The following PLD1 variants were observed in gnomAD, a reference collection of about 807,000 sequenced individuals.
PLD1 encodes the protein phospholipase D1.
A neutral mutation model predicts 137.1 loss-of-function variants in PLD1; 112 were observed. The observed-to-expected ratio is 0.82, with a 90% CI of 0.70 to 0.96. PLD1 has a LOEUF of 0.96. PLD1 is among the 40% of genes least tolerant of loss of function. PLD1 has a pLI of 0.00. For synonymous variants in PLD1, 431 were observed against 454.7 expected (o/e 0.95, Z 0.66); for missense variants, 1,321 against 1,342.0 (o/e 0.98, Z 0.24).
chr3:171,737,535 T>C lies in PLD1; in HGVS notation c.285A>G (p.Thr95=), dbSNP rs1719451726. The change falls in exon 3 of 27, where the codon ACA becomes ACG. Residue 95 remains threonine, a synonymous_variant. Coordinates refer to ENST00000351298, the MANE Select transcript of PLD1 (RefSeq NM_002662.5). ...GTGAGTCCATAAACGCTCTGACCCTTGTTGTAGATGTGAAGCGTTCCACTT... is the reference window on the plus strand; with the variant it reads ...GTGAGTCCATAAACGCTCTGACCCTCGTTGTAGATGTGAAGCGTTCCACTT... ...VLEVERFTST[T]RVPSINLYTI... 1.9e-6 allele frequency: 3 copies of C among 1,607,002 alleles called. No homozygotes were observed. Among genetic ancestry groups the C allele is most frequent in the Admixed American group, 1.7e-5 (1 of 58,028 alleles).
chr3:171,733,899 T>C (rs1271857097), intron 5 of PLD1, among the ~76,000 whole-genome samples: 1 of 152,154 alleles, frequency 6.6e-6, no homozygotes, highest in African/African-American at 2.4e-5. Context: ...ACACTACAAA[T>C]TTTAAACAGC....
At chr3:171,604,334 GGAAA>G (rs1402992843) in intron 26 of PLD1, among the ~76,000 whole-genome samples, 2 of 147,674 alleles carry the variant, frequency 1.4e-5, no homozygotes, top group Non-Finnish European at 3.0e-5. Context: ...AAAAAAAAAA[GGAAA>G]GAAAGAAAAG....
chr3:171,743,824 G>A (rs1297569888), intron 1 of PLD1, among the ~76,000 whole-genome samples: 1 of 152,180 alleles, frequency 6.6e-6, no homozygotes, highest in Non-Finnish European at 1.5e-5. Flanking sequence ...CACTCTTTGG[G>A]GAGGAGGGTT....
chr3:171,641,877 C>T (rs1344741597), intron 23 of PLD1, among the ~76,000 whole-genome samples: 2 of 152,106 alleles, frequency 1.3e-5, no homozygotes, highest in African/African-American at 4.8e-5. Flanking sequence ...GGGTTTCCAC[C>T]AACCTCTTCT....
At position 171,688,669 on chromosome 3, in the gene PLD1, T is replaced by C; in HGVS notation, c.1539+7A>G. 2.5e-6 allele frequency: 4 copies of C among 1,599,950 alleles called. No individual in the cohort carries two copies. The highest frequency in any genetic ancestry group is 3.4e-6 in the Non-Finnish European group (4 of 1,167,144). ...TATACATTTCCATAAAGGTTAAATA[T>C]ACTTACTGGGAGGGAACCCAGAGAC... On this transcript the variant is annotated splice_region_variant and intron_variant, in intron 14 of 26. Transcript: ENST00000351298.
intron 1 of PLD1, among the ~76,000 whole-genome samples, chr3:171,786,524 T>C (rs563906135): frequency 6.4e-4 from 98 of 152,314 alleles, no homozygotes; most frequent in Non-Finnish European, 1.3e-3. Context: ...AGTATTAGAA[T>C]TATTCTAATC....
chr3:171,756,669 T>G (rs559869249), intron 1 of PLD1, among the ~76,000 whole-genome samples: 137 of 152,350 alleles, frequency 9.0e-4, no homozygotes, highest in African/African-American at 3.2e-3. Flanking sequence ...AATAAAAACA[T>G]ACGATGTAAT....
intron 21 of PLD1, among the ~76,000 whole-genome samples, chr3:171,651,036 T>C (rs1336719880): frequency 6.6e-6 from 1 of 152,228 alleles, no homozygotes; most frequent in Non-Finnish European, 1.5e-5. Flanking sequence ...CTTGTTTTTC[T>C]CTGCTGCATA....
At chr3:171,767,709 T>A (rs1218831110) in intron 1 of PLD1, among the ~76,000 whole-genome samples, 1 of 152,102 alleles carries the variant, frequency 6.6e-6, no homozygotes, top group Non-Finnish European at 1.5e-5. Flanking sequence ...ATAAAGAAAA[T>A]CAACAACTTA....
chr3:171,765,101 G>A (rs1721889344), intron 1 of PLD1: 1 of 152,132 alleles, frequency 6.6e-6, no homozygotes, highest in Admixed American at 6.5e-5. Flanking sequence ...CTTTTGGAGT[G>A]ATGAAAATGT....
At chr3:171,758,412 C>A (rs561537459) in intron 1 of PLD1, among the ~76,000 whole-genome samples, 1 of 152,322 alleles carries the variant, frequency 6.6e-6, no homozygotes, top group African/African-American at 2.4e-5. Flanking sequence ...TCCATTTAAT[C>A]TCTGTTTTAT....
intron 21 of PLD1, among the ~76,000 whole-genome samples, chr3:171,656,635 G>A (rs763358918): frequency 3.9e-5 from 6 of 152,234 alleles, no homozygotes; most frequent in Non-Finnish European, 8.8e-5. Flanking sequence ...GCCTGGAGGT[G>A]AGTCAAGCTC....
At chr3:171,614,721 C>A (rs1329903252) in intron 24 of PLD1, among the ~76,000 whole-genome samples, 1 of 152,244 alleles carries the variant, frequency 6.6e-6, no homozygotes, top group Non-Finnish European at 1.5e-5. Flanking sequence ...CCCCTGGAGC[C>A]AGCAGAGGCC....
intron 11 of PLD1, among the ~76,000 whole-genome samples, chr3:171,701,712 A>G (rs1013528216): frequency 6.6e-6 from 1 of 152,240 alleles, no homozygotes; most frequent in African/African-American, 2.4e-5. Context: ...GAAAGCAGCT[A>G]TAACTTACCA....
At chr3:171,725,146 A>G (rs1397956302) in intron 7 of PLD1, among the ~76,000 whole-genome samples, 1 of 152,178 alleles carries the variant, frequency 6.6e-6, no homozygotes, top group Non-Finnish European at 1.5e-5. Context: ...TATGTAACAA[A>G]CCCGCACGTT....
intron 11 of PLD1, among the ~76,000 whole-genome samples, chr3:171,700,270 CAG>C (rs1260995375): frequency 6.6e-6 from 1 of 151,728 alleles, no homozygotes; most frequent in African/African-American, 2.4e-5. Context: ...AGGAGGTACA[CAG>C]GGGCTTAATG....
At chr3:171,706,450 GA>G (rs1390289960) in intron 11 of PLD1, among the ~76,000 whole-genome samples, 1 of 150,914 alleles carries the variant, frequency 6.6e-6, no homozygotes, top group Non-Finnish European at 1.5e-5. Flanking sequence ...CTTTGTTTGT[GA>G]GTCAGTTAGT....
At position 171,697,244 on chromosome 3, in the gene PLD1, T is replaced by TTG. The variant is rs201624533; in HGVS notation, c.1227+2500_1227+2501insCA. On this transcript the variant is annotated intron_variant, in intron 12 of 26. Coordinates refer to ENST00000351298, the MANE Select transcript of PLD1 (RefSeq NM_002662.5). ...GAGTCACCTTCCGGACACCTTTTTT[T>TTG]TTTTTTTTTTTTTTTTTTGAAACAG... is the stretch of plus-strand genomic sequence containing the variant. Among the ~76,000 whole-genome samples the TTG allele has an allele frequency of 3.0e-3, 239 of 80,596 alleles. 6 individuals are homozygous for TTG. Among genetic ancestry groups the TTG allele is most frequent in the Middle Eastern group, 8.9e-3 (2 of 224 alleles). The allele number at this position is 80,596 out of a possible 152,430, so 52.9% of individuals were successfully genotyped here.
At position 171,612,147 on chromosome 3, in the gene PLD1, C is replaced by A; in HGVS notation, c.2882+132G>T. The A allele has an allele frequency of 1.4e-6, 1 of 716,318 alleles. No homozygotes were observed. Among genetic ancestry groups the A allele is most frequent in the Non-Finnish European group, 2.4e-6 (1 of 424,182 alleles). 44.4% of individuals were successfully genotyped at this position (716,318 alleles called of 1,614,324 possible). ...TCGCATACTACTGGTGGTACATATC[C>A]TATATTCTGGGACACACTGTTTTAG... is the stretch of plus-strand genomic sequence containing the variant. On this transcript the variant is annotated intron_variant, in intron 25 of 26. Coordinates refer to ENST00000351298, the MANE Select transcript of PLD1 (RefSeq NM_002662.5). The surrounding 1 kb of genome is among the most constrained non-coding windows in gnomAD (Gnocchi z 4.1).
Sources: allele counts gnomAD v4.1 joint callset (sites outside exome capture counted in the v4.1 genomes callset), GRCh38; gene constraint gnomAD v4.1.1; non-coding constraint Gnocchi (gnomAD v3.1); transcripts MANE v1.5; gene names NCBI Gene and HGNC (gene_info 2026-07-23, HGNC 2026-07-21).